The following NCAM2 variants were observed in gnomAD, a reference collection of about 807,000 sequenced individuals.
NCAM2 encodes N-CAM-2.
In NCAM2, 30 loss-of-function variants were observed where a neutral mutation model predicts 98.1. The ratio of observed to expected loss-of-function variants is 0.31; its 90% CI spans 0.23 to 0.41. The LOEUF (loss-of-function observed/expected upper bound fraction) is 0.41. NCAM2 is among the 10% of genes least tolerant of loss of function. NCAM2 has a pLI of 1.00. For synonymous variants in NCAM2, 368 were observed against 342.4 expected (o/e 1.07, Z -0.83); for missense variants, 867 against 1,005.8 (o/e 0.86, Z 1.87).
At chr21:21,243,711 C>T (rs540052021) in intron 1 of NCAM2, among the ~76,000 whole-genome samples, 3 of 152,214 alleles carry the variant, frequency 2.0e-5, no homozygotes, top group Admixed American at 6.6e-5. Context: ...AGAAGATGGA[C>T]GTGTTCCATG....
rs755529661 is a variant in NCAM2 at position 21,522,031 on chromosome 21, ATAT to A, written c.2283-12501_2283-12499del. Among the ~76,000 whole-genome samples, 19 of 148,470 alleles carry A rather than the reference ATAT, an allele frequency of 1.3e-4. 1 individual carries two copies. In the East Asian group the frequency reaches 3.1e-3, roughly 24 times the overall value. On this transcript the variant is annotated intron_variant, in intron 16 of 17. Coordinates refer to ENST00000400546, the MANE Select transcript of NCAM2 (RefSeq NM_004540.5). ...TCAATATATAAATATAGATATAAAT[ATAT>A]TATTCATATTCATATATATGAATGA...
chr21:21,010,852 C>T (rs762198483), intron 1 of NCAM2, among the ~76,000 whole-genome samples: 6 of 152,046 alleles, frequency 3.9e-5, no homozygotes, highest in Non-Finnish European at 8.8e-5. Context: ...CCAGTAGAAA[C>T]GCATGCAGGG....
chr21:21,404,803 T>TA (rs2076704970), intron 9 of NCAM2, among the ~76,000 whole-genome samples: 1 of 151,742 alleles, frequency 6.6e-6, no homozygotes, highest in Non-Finnish European at 1.5e-5. Context: ...CATATATGTA[T>TA]ATATTCACTC....
chr21:21,539,177 G>T lies in NCAM2; in HGVS notation c.*1220G>T, dbSNP rs570658395. On this transcript the variant is annotated 3_prime_UTR_variant, in exon 18 of 18. Coordinates refer to ENST00000400546, the MANE Select transcript of NCAM2 (RefSeq NM_004540.5). ...AAACTTTCTAATATCTTTTGTTAGGGTTATACCAGAATAAAATGCTTCTTT... is the reference window on the plus strand; with the variant it reads ...AAACTTTCTAATATCTTTTGTTAGGTTTATACCAGAATAAAATGCTTCTTT... The T allele has an allele frequency of 4.6e-5, 7 of 152,222 alleles. No individual in the cohort carries two copies. The highest frequency in any genetic ancestry group is 1.7e-4 in the African/African-American group (7 of 41,562). 9.4% of individuals were successfully genotyped at this position (152,222 alleles called of 1,614,324 possible).
At chr21:21,113,020 G>A (rs915844079) in intron 1 of NCAM2, among the ~76,000 whole-genome samples, 7 of 152,088 alleles carry the variant, frequency 4.6e-5, no homozygotes, top group African/African-American at 1.7e-4. Flanking sequence ...CCAGGTGTTA[G>A]CATTAAGTTC....
rs1403300654 is a variant in NCAM2 at position 21,468,602 on chromosome 21, A to G, written c.1775-60A>G. ...ACATTACTGTTCTTTTTATTAAAAT[A>G]TAGTTTATCTAGGTATCTGAAATGT... On this transcript the variant is annotated intron_variant, in intron 13 of 17. Transcript: ENST00000400546. 4 of 1,487,808 alleles carry G rather than the reference A, an allele frequency of 2.7e-6. No individual in the cohort carries two copies. In the African/African-American group the frequency reaches 4.2e-5, roughly 16 times the overall value. The allele number at this position is 1,487,808 out of a possible 1,614,324, so 92.2% of individuals were successfully genotyped here.
At chr21:21,258,163 A>T (rs1791129836) in intron 1 of NCAM2, among the ~76,000 whole-genome samples, 1 of 152,144 alleles carries the variant, frequency 6.6e-6, no homozygotes, top group Admixed American at 6.5e-5. Flanking sequence ...TGAGTCACAG[A>T]ATGTGTATTT....
intron 1 of NCAM2, among the ~76,000 whole-genome samples, chr21:21,006,981 G>T (rs1034474595): frequency 1.3e-5 from 2 of 152,052 alleles, no homozygotes; most frequent in Non-Finnish European, 2.9e-5. Flanking sequence ...TTTTGCTGGT[G>T]CTTGTTTACA....
intron 1 of NCAM2, among the ~76,000 whole-genome samples, chr21:21,074,427 T>C (rs1031884643): frequency 2.0e-5 from 3 of 152,206 alleles, no homozygotes; most frequent in Admixed American, 6.5e-5. Flanking sequence ...TTTACATTAA[T>C]TACATTTATT....
intron 1 of NCAM2, among the ~76,000 whole-genome samples, chr21:21,077,586 T>C (rs2065706270): frequency 6.6e-6 from 1 of 152,136 alleles, no homozygotes; most frequent in African/African-American, 2.4e-5. Flanking sequence ...ATGTTAGCAA[T>C]GCAAATTTTA....
At chr21:21,110,493 A>G (rs891329463) in intron 1 of NCAM2, among the ~76,000 whole-genome samples, 2 of 151,828 alleles carry the variant, frequency 1.3e-5, no homozygotes, top group East Asian at 3.9e-4. Flanking sequence ...GACACTGGGG[A>G]CTCTACATAT....
intron 9 of NCAM2, among the ~76,000 whole-genome samples, chr21:21,399,761 C>G (rs1378336849): frequency 6.6e-6 from 1 of 152,146 alleles, no homozygotes; most frequent in Non-Finnish European, 1.5e-5. Flanking sequence ...CAGCTTCACC[C>G]TGCTCAGACA....
At chr21:21,452,268 T>C (rs1401101389) in intron 12 of NCAM2, among the ~76,000 whole-genome samples, 1 of 150,694 alleles carries the variant, frequency 6.6e-6, no homozygotes, top group African/African-American at 2.4e-5. Flanking sequence ...TATACATACA[T>C]ATTCTAACAC....
At chr21:21,320,205 G>C (rs79499502) in intron 5 of NCAM2, among the ~76,000 whole-genome samples, 2,619 of 152,238 alleles carry the variant, frequency 0.017, 75 homozygotes, top group African/African-American at 0.06. Context: ...ATGCTCTATT[G>C]ATTAGATTTT....
chr21:21,310,377 C>T (rs1169861122), intron 5 of NCAM2, among the ~76,000 whole-genome samples: 1 of 151,902 alleles, frequency 6.6e-6, no homozygotes, highest in Non-Finnish European at 1.5e-5. Flanking sequence ...AAGTTCATAA[C>T]AAAGACAAAC....
At position 21,342,461 on chromosome 21, in the gene NCAM2, G is replaced by A. The variant is rs374432677; in HGVS notation, c.1044+3927G>A. On this transcript the variant is annotated intron_variant, in intron 8 of 17. Coordinates refer to ENST00000400546, the MANE Select transcript of NCAM2 (RefSeq NM_004540.5). Reference sequence around the variant, plus strand: ...GGCTGGAATTCAGTCTTGACTGTGGGCTGCAAGCTCAGGTGGAGCTGTTTT... The same window carrying A: ...GGCTGGAATTCAGTCTTGACTGTGGACTGCAAGCTCAGGTGGAGCTGTTTT... 1.9e-4 allele frequency among the ~76,000 whole-genome samples: 29 copies of A among 152,264 alleles called. No homozygotes were observed. In the East Asian group the frequency reaches 3.1e-3, roughly 16 times the overall value.
intron 1 of NCAM2, among the ~76,000 whole-genome samples, chr21:21,127,121 G>T (rs8126571): frequency 0.04 from 6,029 of 151,462 alleles, 340 homozygotes; most frequent in African/African-American, 0.13. Context: ...TTTACATGAC[G>T]GTTTTATTTG....
intron 1 of NCAM2, among the ~76,000 whole-genome samples, chr21:21,038,132 T>C (rs540386200): frequency 7.6e-3 from 101 of 13,370 alleles, no homozygotes; most frequent in African/African-American, 8.0e-3. Context: ...GGAATTTTTC[T>C]GCTGCTACTG....
At chr21:21,509,643 G>A (rs1193967097) in intron 16 of NCAM2, among the ~76,000 whole-genome samples, 3 of 152,072 alleles carry the variant, frequency 2.0e-5, no homozygotes, top group Non-Finnish European at 4.4e-5. Flanking sequence ...GTTCTATTTA[G>A]TTAAGCAGAT....
Sources: gnomAD v4.1 joint callset for allele counts (sites outside exome capture counted in the v4.1 genomes callset) on GRCh38, gnomAD v4.1.1 for gene constraint, MANE v1.5 for transcripts, NCBI Gene and HGNC (gene_info 2026-07-23, HGNC 2026-07-21) for gene names.